Variants in FAM86B1 observed in about 807,000 individuals in gnomAD.
FAM86B1 encodes putative protein N-methyltransferase FAM86B1.
For synonymous variants in FAM86B1, 4 were observed against 137.6 expected, an observed-to-expected ratio of 0.03 and a Z score of 6.79; for missense variants, 13 against 328.1, an observed-to-expected ratio of 0.04 and a Z score of 7.42.
chr8:12,184,051 G>T (rs1240703845), intron 6 of FAM86B1, among the ~76,000 whole-genome samples: 7 of 62,748 alleles, frequency 1.1e-4, no homozygotes, highest in Non-Finnish European at 1.7e-4. Flanking sequence ...AAGTGGCCGG[G>T]CACAGCCAGA....
At chr8:12,192,530 C>T in intron 1 of FAM86B1, among the ~76,000 whole-genome samples, 1 of 132,462 alleles carries the variant, frequency 7.5e-6, no homozygotes, top group Non-Finnish European at 1.5e-5. Context: ...GCTGCTTCAC[C>T]ACTCAGGTCC....
chr8:12,184,094 A>G (rs1288433198), intron 6 of FAM86B1, among the ~76,000 whole-genome samples: 16 of 53,994 alleles, frequency 3.0e-4, no homozygotes, highest in African/African-American at 2.3e-3. Context: ...AGGTTGGTTG[A>G]GGCTTATACT....
chr8:12,182,455 C>G lies in FAM86B1; in HGVS notation c.*1151G>C, dbSNP rs1490140563. 42 of 1,231,430 alleles carry G rather than the reference C, an allele frequency of 3.4e-5. 1 individual carries two copies. The South Asian group carries it at 5.3e-4, about 16-fold the overall frequency. The allele number at this position is 1,231,430 out of a possible 1,614,324, so 76.3% of individuals were successfully genotyped here. On this transcript the variant is annotated 3_prime_UTR_variant, in exon 7 of 7. Transcript: ENST00000448228. The stretch of plus-strand genomic sequence containing the variant: ...AAGTGAGGGGGGTTGTGAAGGGTCT[C>G]AAGTCCAAGTGAGGGAGTTAGGGAC...
chr8:12,192,761 G>T (rs1200430212), intron 1 of FAM86B1, among the ~76,000 whole-genome samples: 1 of 148,164 alleles, frequency 6.7e-6, no homozygotes, highest in Non-Finnish European at 1.5e-5. Context: ...CTCACGGAAG[G>T]CATTTATTAA....
chr8:12,190,975 C>G (rs1382488684), intron 2 of FAM86B1, among the ~76,000 whole-genome samples: 1 of 142,812 alleles, frequency 7.0e-6, no homozygotes, highest in Non-Finnish European at 1.5e-5. Context: ...GAGCAAGGTG[C>G]GAGATAACTT....
chr8:12,191,857 AG>A lies in FAM86B1; in HGVS notation c.97-17del. 3.3e-6 allele frequency: 3 copies of A among 917,932 alleles called. No homozygotes were observed. Among genetic ancestry groups the A allele is most frequent in the East Asian group, 2.7e-5 (1 of 36,396 alleles). The allele number at this position is 917,932 out of a possible 1,614,324, so 56.9% of individuals were successfully genotyped here. ...CCTCTAAGCTCTGTGTGGATGGGAG[AG>A]AGAGAAATCTCAAGGGCCCATTCAC... On this transcript the variant is annotated splice_polypyrimidine_tract_variant and intron_variant, in intron 1 of 6. Transcript: ENST00000448228.
At chr8:12,188,290 G>C in intron 3 of FAM86B1, 1 of 401,916 alleles carries the variant, frequency 2.5e-6, no homozygotes, top group Non-Finnish European at 3.9e-6. Flanking sequence ...ATACCGGCCA[G>C]CTGGTATATA....
intron 1 of FAM86B1, among the ~76,000 whole-genome samples, chr8:12,193,046 C>T (rs1333328356): frequency 6.9e-6 from 1 of 144,166 alleles, no homozygotes; most frequent in Non-Finnish European, 1.5e-5. Context: ...CAAACAATCC[C>T]TCTGGTCAAA....
intron 2 of FAM86B1, among the ~76,000 whole-genome samples, chr8:12,191,028 C>T (rs1377287862): frequency 0.011 from 1,575 of 143,278 alleles, 3 homozygotes; most frequent in African/African-American, 0.034. Context: ...TGTATTGCCC[C>T]GAAAGTCTTC....
In FAM86B1 at chr8:12,190,695, C is replaced by T. The variant is rs200410786; in HGVS notation, c.160-807G>A. Among the ~76,000 whole-genome samples, 499 of 85,588 alleles carry T rather than the reference C, an allele frequency of 5.8e-3. 2 individuals are homozygous for T. Among genetic ancestry groups the T allele is most frequent in the Admixed American group, 0.052 (397 of 7,566 alleles). 56.1% of individuals were successfully genotyped at this position (85,588 alleles called of 152,430 possible). ...CACCTCCTGGGTTCAAGCGATTCTC[C>T]TGCCTCAGCCTCCCGAGTAGCTGGG... On this transcript the variant is annotated intron_variant, in intron 2 of 6. Transcript: ENST00000448228.
intron 2 of FAM86B1, among the ~76,000 whole-genome samples, chr8:12,191,028 C>G (rs1377287862): frequency 6.8e-6 from 1 of 146,120 alleles, no homozygotes; most frequent in Non-Finnish European, 1.5e-5. Flanking sequence ...TGTATTGCCC[C>G]GAAAGTCTTC....
At chr8:12,193,351 C>T (rs1191059276) in intron 1 of FAM86B1, among the ~76,000 whole-genome samples, 28 of 143,938 alleles carry the variant, frequency 1.9e-4, no homozygotes, top group East Asian at 5.8e-4. Context: ...GAGCTCAATG[C>T]ACATGAATTA....
chr8:12,190,979 A>T (rs1806755586), intron 2 of FAM86B1, among the ~76,000 whole-genome samples: 1 of 146,992 alleles, frequency 6.8e-6, no homozygotes, highest in Non-Finnish European at 1.5e-5. Flanking sequence ...AAGGTGCGAG[A>T]TAACTTCAGG....
chr8:12,191,099 C>G (rs1163937363), intron 2 of FAM86B1, among the ~76,000 whole-genome samples: 2 of 133,334 alleles, frequency 1.5e-5, no homozygotes, highest in Non-Finnish European at 1.5e-5. Flanking sequence ...CACAGGAATT[C>G]TTCACCGGGG....
rs1805089271 is a variant in FAM86B1 at position 12,182,593 on chromosome 8, T to G, written c.*1013A>C. ...TGCTCTTTAGCATTTTGCAGATGCT[T>G]TTCTCAAACTTTTCTGATCCTGCAG... On this transcript the variant is annotated 3_prime_UTR_variant, in exon 7 of 7. Coordinates refer to ENST00000448228, the MANE Select transcript of FAM86B1 (RefSeq NM_001083537.4). 1 of 1,320,158 alleles carries G rather than the reference T, an allele frequency of 7.6e-7. No homozygotes were observed. Among genetic ancestry groups the G allele is most frequent in the African/African-American group, 1.7e-5 (1 of 60,296 alleles). The allele number at this position is 1,320,158 out of a possible 1,614,324, so 81.8% of individuals were successfully genotyped here.
intron 1 of FAM86B1, among the ~76,000 whole-genome samples, chr8:12,193,119 G>C (rs1166546341): frequency 7.0e-6 from 1 of 143,488 alleles, no homozygotes; most frequent in Non-Finnish European, 1.5e-5. Context: ...TTAGCATTCA[G>C]TGTGGGCATG....
chr8:12,186,247 C>A, intron 5 of FAM86B1, 105 bp downstream of exon 5: 1 of 1,121,330 alleles, frequency 8.9e-7, no homozygotes, highest in Non-Finnish European at 1.2e-6. Flanking sequence ...GAAGCCCCAT[C>A]ACATCCATGC....
chr8:12,183,044 CTT>C lies in FAM86B1; in HGVS notation c.*560_*561del. On this transcript the variant is annotated 3_prime_UTR_variant, in exon 7 of 7. Coordinates refer to ENST00000448228, the MANE Select transcript of FAM86B1 (RefSeq NM_001083537.4). ...TCACCTTTCTGCCGTGTTCCTAACA[CTT>C]TCATTCCTGTCTTGAAAAAAGCGCC... 1 of 398,538 alleles carries C rather than the reference CTT, an allele frequency of 2.5e-6. No homozygotes were observed. The highest frequency in any genetic ancestry group is 4.7e-6 in the Non-Finnish European group (1 of 211,098). 24.7% of individuals were successfully genotyped at this position (398,538 alleles called of 1,614,324 possible).
At chr8:12,189,282 AT>A (rs1806399740) in intron 3 of FAM86B1, among the ~76,000 whole-genome samples, 3 of 78,326 alleles carry the variant, frequency 3.8e-5, no homozygotes, top group African/African-American at 1.5e-4. Flanking sequence ...AAATAAATAA[AT>A]AAATAAATAA....
Sources: gnomAD v4.1 joint callset for allele counts (sites outside exome capture counted in the v4.1 genomes callset) on GRCh38, gnomAD v4.1.1 for gene constraint, MANE v1.5 for transcripts, NCBI Gene and HGNC (gene_info 2026-07-23, HGNC 2026-07-21) for gene names.